The following HDAC9 variants were observed in gnomAD, a reference collection of about 807,000 sequenced individuals.
HDAC9 encodes MEF-2 interacting transcription repressor (MITR) protein.
HDAC9 carries 41 observed loss-of-function variants against 139.4 expected under a neutral mutation model. The observed-to-expected ratio is 0.29, with a 90% confidence interval of 0.23 to 0.38. The LOEUF (loss-of-function observed/expected upper bound fraction) is 0.38. Among genes scored for constraint, HDAC9 ranks in the 10% least tolerant of loss-of-function variants. The pLI, the probability that HDAC9 is intolerant of heterozygous loss-of-function variation, is 1.00. For synonymous variants in HDAC9, 517 were observed against 476.2 expected (o/e 1.09, Z -1.12); for missense variants, 1,147 against 1,297.0 (o/e 0.88, Z 1.78).
intron 1 of HDAC9, among the ~76,000 whole-genome samples, chr7:18,448,496 G>T (rs566948925): frequency 3.9e-5 from 6 of 152,112 alleles, no homozygotes; most frequent in Non-Finnish European, 5.9e-5. Flanking sequence ...TATTCAAATT[G>T]AGTATTAATT....
chr7:18,664,394 T>C (rs1339790331), intron 11 of HDAC9, among the ~76,000 whole-genome samples: 1 of 152,188 alleles, frequency 6.6e-6, no homozygotes, highest in African/African-American at 2.4e-5. Context: ...TTTGGTGATA[T>C]TTAGGTCTTA....
chr7:18,354,056 G>A (rs192059189), intron 1 of HDAC9, among the ~76,000 whole-genome samples: 2 of 152,134 alleles, frequency 1.3e-5, no homozygotes, highest in African/African-American at 4.8e-5. Flanking sequence ...ATTCTGGGTT[G>A]TATGTTTTAA....
rs533159101 is a variant in HDAC9, at chr7:18,910,389, G to A, written c.2804-25420G>A. On this transcript the variant is annotated intron_variant, in intron 22 of 25. Transcript: ENST00000686413. ...TATACAGAAAGATTACTGATTTTTT[G>A]TAGGTTGATTTTGTATCTTGTAACT... Among the ~76,000 whole-genome samples, 5 of 151,976 alleles carry A rather than the reference G, an allele frequency of 3.3e-5. No homozygotes were observed. The South Asian group carries it at 1.0e-3, about 32-fold the overall frequency.
At chr7:18,620,513 CTTT>C (rs199696034) in intron 6 of HDAC9, among the ~76,000 whole-genome samples, 3 of 135,738 alleles carry the variant, frequency 2.2e-5, no homozygotes, top group Non-Finnish European at 3.2e-5. Context: ...CTGAGTGGTA[CTTT>C]TTTTTTTTTT....
chr7:18,650,504 C>G (rs1279542367), intron 11 of HDAC9, among the ~76,000 whole-genome samples: 2 of 152,118 alleles, frequency 1.3e-5, no homozygotes, highest in Non-Finnish European at 2.9e-5. Context: ...GCCACTGTTT[C>G]AGATTCAGAT....
At chr7:18,263,241 C>A (rs302187) in intron 2 of HDAC9, among the ~76,000 whole-genome samples, 117,274 of 151,528 alleles carry the variant, frequency 0.77, 45,508 homozygotes, top group South Asian at 0.86. Context: ...TGTGTCAGAC[C>A]CAATAGATTT....
At chr7:18,489,950 A>G (rs1012236331) in intron 1 of HDAC9, among the ~76,000 whole-genome samples, 1 of 152,024 alleles carries the variant, frequency 6.6e-6, no homozygotes, top group African/African-American at 2.4e-5. Flanking sequence ...TAAGAGTACA[A>G]TGCTGCTCTC....
At chr7:18,841,650 T>G (rs1250875232) in intron 21 of HDAC9, among the ~76,000 whole-genome samples, 2 of 152,180 alleles carry the variant, frequency 1.3e-5, no homozygotes. Flanking sequence ...GTAGTCCCTG[T>G]GTCAAGAGTA....
intron 12 of HDAC9, among the ~76,000 whole-genome samples, chr7:18,676,156 G>T (rs1173061926): frequency 1.3e-5 from 2 of 151,972 alleles, no homozygotes; most frequent in Non-Finnish European, 2.9e-5. Context: ...TTGTCTAGTA[G>T]CCTATAGGGG....
At chr7:18,989,987 C>T (rs1785734330) in intron 25 of HDAC9, among the ~76,000 whole-genome samples, 1 of 151,804 alleles carries the variant, frequency 6.6e-6, no homozygotes, top group South Asian at 2.1e-4. Context: ...AACTTCTTTG[C>T]CTTTCGTTTG....
chr7:18,648,024 G>A (rs778547398), intron 10 of HDAC9, 26 bp downstream of exon 10: 16 of 1,523,174 alleles, frequency 1.1e-5, no homozygotes, highest in African/African-American at 1.4e-5. Context: ...ACCATTTGCA[G>A]GTCATTTTAG....
At chr7:18,714,891 G>A (rs542398793) in intron 12 of HDAC9, among the ~76,000 whole-genome samples, 6 of 152,216 alleles carry the variant, frequency 3.9e-5, no homozygotes, top group Non-Finnish European at 7.4e-5. Context: ...CCTAGTAAGC[G>A]CTTAATATAA....
intron 12 of HDAC9, among the ~76,000 whole-genome samples, chr7:18,699,390 TTGTG>T (rs151051108): frequency 6.6e-6 from 1 of 151,024 alleles, no homozygotes; most frequent in East Asian, 1.9e-4. Flanking sequence ...GTACGTGTGT[TTGTG>T]TGTGTGTGTA....
At chr7:18,207,164 C>T (rs1283984074) in intron 2 of HDAC9, among the ~76,000 whole-genome samples, 2 of 152,032 alleles carry the variant, frequency 1.3e-5, no homozygotes, top group Non-Finnish European at 2.9e-5. Flanking sequence ...TCTCGAACTC[C>T]TGAACTCAAA....
rs111716500 is a variant in HDAC9 at position 18,189,090 on chromosome 7, A to G, written c.25+26741A>G. Reference sequence around the variant, plus strand: ...TTACAATAGCAAAGACATGGAACCAACCCAAATGCCCATCAATGATAGACT... The same window carrying G: ...TTACAATAGCAAAGACATGGAACCAGCCCAAATGCCCATCAATGATAGACT... On this transcript the variant is annotated intron_variant, in intron 2 of 12. Transcript: ENST00000417496. 3.6e-3 allele frequency among the ~76,000 whole-genome samples: 554 copies of G among 152,314 alleles called. 3 individuals are homozygous for G. The highest frequency in any genetic ancestry group is 0.013 in the African/African-American group (532 of 41,554).
intron 2 of HDAC9, among the ~76,000 whole-genome samples, chr7:18,209,086 G>A (rs186704395): frequency 2.4e-4 from 36 of 152,100 alleles, no homozygotes; most frequent in Non-Finnish European, 4.4e-4. Context: ...ATTCCTGTGG[G>A]CCTTTTGGTC....
chr7:18,831,469 A>G (rs1282928885), intron 19 of HDAC9, among the ~76,000 whole-genome samples: 1 of 152,166 alleles, frequency 6.6e-6, no homozygotes, highest in African/African-American at 2.4e-5. Flanking sequence ...GCCTTTGATT[A>G]TGTATTTGCT....
intron 1 of HDAC9, among the ~76,000 whole-genome samples, chr7:18,396,056 C>T (rs887267981): frequency 7.4e-6 from 1 of 135,476 alleles, no homozygotes; most frequent in Non-Finnish European, 1.6e-5. Context: ...GTAGATTGTC[C>T]TGCCAATGAC....
intron 12 of HDAC9, among the ~76,000 whole-genome samples, chr7:18,694,173 A>T (rs1035678804): frequency 1.3e-5 from 2 of 152,210 alleles, no homozygotes; most frequent in Non-Finnish European, 2.9e-5. Context: ...CTGCCTCATC[A>T]TGCAATAAAT....
Sources: gnomAD v4.1 joint callset for allele counts (sites outside exome capture counted in the v4.1 genomes callset) on GRCh38, gnomAD v4.1.1 for gene constraint, MANE v1.5 for transcripts, NCBI Gene and HGNC (gene_info 2026-07-23, HGNC 2026-07-21) for gene names.